The following DCAF8 variants were observed in gnomAD, a reference collection of about 807,000 sequenced individuals.
The protein encoded by DCAF8 is DDB1 and CUL4 associated factor 8, also known as DDB1- and CUL4-associated factor 8.
Under a neutral mutation model 68.0 loss-of-function variants are expected in DCAF8, and 20 were observed. That is an observed-to-expected ratio of 0.29 (90% CI 0.21 to 0.43). The LOEUF is 0.43. Ranked by LOEUF, DCAF8 falls within the 20% of genes least tolerant of loss-of-function variation. DCAF8 has a pLI of 1.00. For synonymous variants in DCAF8, 230 were observed against 276.9 expected, an observed-to-expected ratio of 0.83 and a Z score of 1.68; for missense variants, 460 against 771.0, an observed-to-expected ratio of 0.60 and a Z score of 4.78.
At chr1:160,232,131 G>A (rs1186202814) in intron 6 of DCAF8, among the ~76,000 whole-genome samples, 1 of 151,972 alleles carries the variant, frequency 6.6e-6, no homozygotes, top group Non-Finnish European at 1.5e-5. Context: ...AATCACTTGA[G>A]CCTGGTAGGT....
At chr1:160,256,693 C>T (rs1350724385) in intron 2 of DCAF8, among the ~76,000 whole-genome samples, 1 of 152,178 alleles carries the variant, frequency 6.6e-6, no homozygotes, top group Non-Finnish European at 1.5e-5. Flanking sequence ...AAAATGTTTG[C>T]ATTGACCCAA....
chr1:160,251,940 G>C (rs1295667899), intron 2 of DCAF8, among the ~76,000 whole-genome samples: 2 of 152,180 alleles, frequency 1.3e-5, no homozygotes, highest in Non-Finnish European at 2.9e-5. Flanking sequence ...TCCTCTGGTA[G>C]GCTGGACAGA....
intron 2 of DCAF8, among the ~76,000 whole-genome samples, chr1:160,248,136 G>A (rs1229381626): frequency 4.6e-5 from 7 of 151,744 alleles, no homozygotes; most frequent in Non-Finnish European, 2.9e-5. Context: ...TGAAACCCCC[G>A]TCTCTACTAA....
rs781377478 is a variant in DCAF8, at chr1:160,239,825, G to A, written c.595C>T (p.Leu199=). ...CAGGTGCCGCGCTGGTTAAAGTGCA[G>A]GGTATTGACACAACCAGTATGGCCC... ...LEGHTGCVNT[L]HFNQRGTWLA... Residue 199 remains leucine, a synonymous_variant, in exon 4 of 14, where the codon CTG becomes TTG. Coordinates refer to ENST00000368074, the MANE Select transcript of DCAF8 (RefSeq NM_015726.4). The A allele has an allele frequency of 1.2e-6, 2 of 1,614,250 alleles. No individual in the cohort carries two copies. Among genetic ancestry groups the A allele is most frequent in the Non-Finnish European group, 8.5e-7 (1 of 1,180,050 alleles).
At chr1:160,230,774 CAG>C (rs980241564) in intron 7 of DCAF8, among the ~76,000 whole-genome samples, 3 of 151,414 alleles carry the variant, frequency 2.0e-5, no homozygotes, top group African/African-American at 7.4e-5. Flanking sequence ...TTTTTTGAGA[CAG>C]AGTCTCGCTC....
At chr1:160,218,221 C>G in intron 13 of DCAF8, 103 bp downstream of exon 13, 1 of 863,752 alleles carries the variant, frequency 1.2e-6, no homozygotes, top group South Asian at 1.4e-5. Flanking sequence ...ATAGGAAATC[C>G]GACCAAGATC....
At chr1:160,229,676 G>A (rs1187758922) in intron 7 of DCAF8, among the ~76,000 whole-genome samples, 1 of 152,076 alleles carries the variant, frequency 6.6e-6, no homozygotes, top group Non-Finnish European at 1.5e-5. Context: ...GGTAGCAACT[G>A]AAAATCTATA....
At chr1:160,249,682 A>T (rs188426187) in intron 2 of DCAF8, among the ~76,000 whole-genome samples, 74 of 152,350 alleles carry the variant, frequency 4.9e-4, no homozygotes, top group African/African-American at 1.7e-3. Context: ...CAAAATTAAA[A>T]ATACCCTGTA....
Position 160,248,453 on chromosome 1 carries a change from G to A in DCAF8, c.-26-4419C>T, listed in dbSNP as rs1324852821. Among the ~76,000 whole-genome samples, 4 of 152,060 alleles carry A rather than the reference G, an allele frequency of 2.6e-5. No homozygotes were observed. In the East Asian group the frequency reaches 5.8e-4, roughly 22 times the overall value. ...CCTTTAAAACTGTCGCAACAGGCTG[G>A]GGCTGGGCGTGGAGGCTCACGCCTG... On this transcript the variant is annotated intron_variant, in intron 2 of 13. Coordinates refer to ENST00000368074, the MANE Select transcript of DCAF8 (RefSeq NM_015726.4).
At chr1:160,229,528 C>T (rs1480879257) in intron 7 of DCAF8, among the ~76,000 whole-genome samples, 1 of 152,162 alleles carries the variant, frequency 6.6e-6, no homozygotes, top group Non-Finnish European at 1.5e-5. Context: ...GTTCTCAATA[C>T]AGCAAACTAC....
chr1:160,219,004 T>C, intron 11 of DCAF8, 36 bp from the exon 12 acceptor site: 1 of 1,612,370 alleles, frequency 6.2e-7, no homozygotes. Flanking sequence ...GACTCAGCAG[T>C]GTGTGGGAGT....
chr1:160,262,372 T>C (rs1469524683), intron 1 of DCAF8, 77 bp downstream of exon 1: 9 of 399,536 alleles, frequency 2.3e-5, no homozygotes, highest in Non-Finnish European at 4.0e-5. Flanking sequence ...GGGTCATCCT[T>C]CTGCTAGCGG....
intron 5 of DCAF8, 36 bp from the exon 6 acceptor site, chr1:160,237,265 A>C (rs1176411663): frequency 1.4e-6 from 2 of 1,434,030 alleles, no homozygotes; most frequent in Admixed American, 4.2e-5. Flanking sequence ...AGGTTTCTAA[A>C]TATTAGAATT....
chr1:160,221,817 C>CAAAAAAAAA (rs58539770), intron 11 of DCAF8, among the ~76,000 whole-genome samples: 1 of 62,170 alleles, frequency 1.6e-5, no homozygotes, highest in African/African-American at 5.3e-5. Context: ...TTCTAGGTCT[C>CAAAAAAAAA]AAAAAAAAAA....
rs1347009954 is a variant in DCAF8 at position 160,242,287 on chromosome 1, C to T, written c.49+1673G>A. 2.1e-5 allele frequency among the ~76,000 whole-genome samples: 3 copies of T among 145,790 alleles called. No individual in the cohort carries two copies. In the East Asian group the frequency reaches 6.0e-4, roughly 29 times the overall value. On this transcript the variant is annotated intron_variant, in intron 3 of 13. Coordinates refer to ENST00000368074, the MANE Select transcript of DCAF8 (RefSeq NM_015726.4). ...CCTCAACTAAGAGCACAGTATAAAA[C>T]AACTGGGCTAGGGGCTGGAAGAAAA...
At chr1:160,231,256 T>C (rs748062698) in intron 7 of DCAF8, 41 bp downstream of exon 7, 1 of 1,389,840 alleles carries the variant, frequency 7.2e-7, no homozygotes, top group Non-Finnish European at 1.0e-6. Context: ...AATGCATCAG[T>C]CTTACAAACT....
intron 2 of DCAF8, among the ~76,000 whole-genome samples, chr1:160,246,232 A>C (rs1656334460): frequency 6.6e-6 from 1 of 152,192 alleles, no homozygotes; most frequent in African/African-American, 2.4e-5. Flanking sequence ...CCACCTCCAT[A>C]ATCAAAACTC....
Position 160,221,515 on chromosome 1 carries a change from C to T in DCAF8, c.1440+1136G>A, listed in dbSNP as rs138465222. ...GAAGAAAATTTGAAATACCCTTTCA[C>T]CAGGGCAAGAAAAACATAAGGAATG... On this transcript the variant is annotated intron_variant, in intron 11 of 13. Transcript: ENST00000368074. Among the ~76,000 whole-genome samples, 97 of 152,210 alleles carry T rather than the reference C, an allele frequency of 6.4e-4. 1 individual carries two copies. Among genetic ancestry groups the T allele is most frequent in the African/African-American group, 2.2e-3 (93 of 41,534 alleles).
intron 4 of DCAF8, chr1:160,239,100 A>G (rs1238784234): frequency 1.4e-5 from 13 of 959,276 alleles, no homozygotes; most frequent in African/African-American, 1.8e-5. Flanking sequence ...TGCTACAAAG[A>G]AAAAGGAAAA....
Sources: gnomAD v4.1 joint callset for allele counts (sites outside exome capture counted in the v4.1 genomes callset) on GRCh38, gnomAD v4.1.1 for gene constraint, MANE v1.5 for transcripts, NCBI Gene and HGNC (gene_info 2026-07-23, HGNC 2026-07-21) for gene names.